Variants in TEAD2 observed in about 807,000 individuals in gnomAD.
TEAD2 encodes the protein transcriptional enhancer factor TEF-4.
In TEAD2, 51 loss-of-function variants were observed where a neutral mutation model predicts 61.4. That is an observed-to-expected ratio of 0.83 (90% confidence interval 0.66 to 1.05). The LOEUF (loss-of-function observed/expected upper bound fraction) is 1.05, where lower values mean the gene tolerates loss of function less well. Among genes scored for constraint, TEAD2 ranks in the 50% least tolerant of loss-of-function variants. TEAD2 has a pLI of 0.00. For synonymous variants in TEAD2, 244 were observed against 243.2 expected (o/e 1.00, Z -0.03); for missense variants, 509 against 600.0 (o/e 0.85, Z 1.58).
chr19:49,343,126 G>A lies in TEAD2; in HGVS notation c.1089+105C>T, dbSNP rs147382641. ...TGCATTAAACCCTCAAAGAGGCTGG[G>A]ACCCACTCCCTCCATGCATACTCCC... On this transcript the variant is annotated intron_variant, in intron 11 of 12. Coordinates refer to ENST00000593945, the MANE Select transcript of TEAD2 (RefSeq NM_001256660.2). 37 of 1,348,114 alleles carry A rather than the reference G, an allele frequency of 2.7e-5. 2 individuals are homozygous for A. In the East Asian group the frequency reaches 4.9e-4, roughly 18 times the overall value. The allele number at this position is 1,348,114 out of a possible 1,614,324, so 83.5% of individuals were successfully genotyped here. A position where few individuals can be genotyped will look rare whatever the true frequency, so the allele number is the denominator to read the frequency against.
At chr19:49,355,020 T>G in intron 7 of TEAD2, 128 bp downstream of exon 7, 1 of 664,150 alleles carries the variant, frequency 1.5e-6, no homozygotes, top group Non-Finnish European at 2.7e-6. Context: ...CATACATACA[T>G]GCATACATAC....
At position 49,348,804 on chromosome 19, in the gene TEAD2, T is replaced by G. The variant is rs760225003; in HGVS notation, c.646A>C (p.Thr216Pro). 2.6e-5 allele frequency: 41 copies of G among 1,606,832 alleles called. No individual in the cohort carries two copies. In the African/African-American group the frequency reaches 5.3e-4, roughly 21 times the overall value. The change falls in exon 9 of 13, where the codon ACC (threonine) becomes CCC (proline). Residue 216 changes from threonine (T) to proline (P), a missense_variant. Transcript: ENST00000593945. ...GCCTGCCAGGCTGGGGGCGATGGGG[T>G]AGGTGGGGGCAGGGGTGAGAGGGCT... The part of the protein sequence containing the change: ...PQALSPLPPP[T>P]PSPPAWQARG...
chr19:49,345,802 G>C (rs1181603829), intron 10 of TEAD2, among the ~76,000 whole-genome samples: 1 of 152,126 alleles, frequency 6.6e-6, no homozygotes, highest in Non-Finnish European at 1.5e-5. Flanking sequence ...GCCAAGGTGG[G>C]TGGATCACTT....
intron 7 of TEAD2, 127 bp downstream of exon 7, chr19:49,355,021 G>GCATACATACATGCATACATA (rs1972285064): frequency 4.8e-6 from 3 of 630,400 alleles, no homozygotes; most frequent in Admixed American, 2.6e-5. Flanking sequence ...ATACATACAT[G>GCATACATACATGCATACATA]CATACATACA....
Position 49,360,051 on chromosome 19 carries a change from C to G in TEAD2, c.25G>C (p.Ala9Pro), listed in dbSNP as rs768259774. The change falls in exon 2 of 13, where the codon GCC becomes CCC. Residue 9 changes from alanine (A) to proline (P), a missense_variant. Coordinates refer to ENST00000593945, the MANE Select transcript of TEAD2 (RefSeq NM_001256660.2). ...GTCCAGCCGCTGCCATCGTCCAGGGCGGCCCCAGCCCGGGGTTCCCCCATC... is the reference window on the plus strand; with the variant it reads ...GTCCAGCCGCTGCCATCGTCCAGGGGGGCCCCAGCCCGGGGTTCCCCCATC... MGEPRAGAALDDGSGWTGS... is the reference protein window; with the variant it reads MGEPRAGAPLDDGSGWTGS... 1.2e-6 allele frequency: 2 copies of G among 1,607,050 alleles called. No homozygotes were observed. The highest frequency in any genetic ancestry group is 1.7e-6 in the Non-Finnish European group (2 of 1,179,782).
At position 49,359,464 on chromosome 19, in the gene TEAD2, T is replaced by G. The variant is rs903317491; in HGVS notation, c.268A>C (p.Arg90=). The stretch of plus-strand genomic sequence containing the variant: ...TTTCGAGTTCGGGTCTTCCCCGTTC[T>G]CAGCTTGATGTAGCGGGCGATCAGT... The part of the protein sequence containing the change: ...NELIARYIKL[R]TGKTRTRKQV... The change falls in exon 3 of 13, where the codon AGA becomes CGA. Residue 90 remains arginine (R), a synonymous_variant. Transcript: ENST00000593945. The surrounding 1 kb of genome is among the most constrained non-coding windows in gnomAD (Gnocchi z 4.1). 3 of 1,614,076 alleles carry G rather than the reference T, an allele frequency of 1.9e-6. No homozygotes were observed. The Admixed American group carries it at 5.0e-5, about 27-fold the overall frequency.
At chr19:49,356,710 G>A (rs1232680322) in intron 4 of TEAD2, among the ~76,000 whole-genome samples, 2 of 152,078 alleles carry the variant, frequency 1.3e-5, no homozygotes. Flanking sequence ...AGGGAAGGGA[G>A]GGGGACAGGA....
intron 7 of TEAD2, among the ~76,000 whole-genome samples, chr19:49,352,420 G>C (rs1972082041): frequency 6.6e-6 from 1 of 152,208 alleles, no homozygotes; most frequent in Non-Finnish European, 1.5e-5. Flanking sequence ...TTAGATGTCA[G>C]AGGTCAGACC....
intron 1 of TEAD2, among the ~76,000 whole-genome samples, chr19:49,362,079 T>A (rs1157757931): frequency 2.0e-5 from 3 of 152,046 alleles, no homozygotes; most frequent in African/African-American, 7.2e-5. Flanking sequence ...CACTCCAAAG[T>A]GACACCGCCG....
chr19:49,346,165 CAAAAAAAAAAA>C (rs10684078), intron 10 of TEAD2, among the ~76,000 whole-genome samples: 3 of 44,404 alleles, frequency 6.8e-5, no homozygotes, highest in African/African-American at 1.8e-4. Flanking sequence ...AATTCCATCT[CAAAAAAAAAAA>C]AAAAAAAAAC....
intron 11 of TEAD2, 139 bp downstream of exon 11, chr19:49,343,092 C>T: frequency 9.9e-7 from 1 of 1,014,614 alleles, no homozygotes; most frequent in Non-Finnish European, 1.4e-6. Context: ...CCCATTAGCT[C>T]CCAACGCATG....
Position 49,343,304 on chromosome 19 carries a change from C to A in TEAD2, c.1016G>T (p.Ser339Ile). The A allele has an allele frequency of 6.2e-7, 1 of 1,614,090 alleles. No individual in the cohort carries two copies. The highest frequency in any genetic ancestry group is 8.5e-7 in the Non-Finnish European group (1 of 1,180,024). Residue 339 changes from serine (S) to isoleucine (I), a missense_variant, in exon 11 of 13, where the codon AGC becomes ATC. Ser to Ile is a moderately radical substitution (Grantham distance 142, BLOSUM62 -2). Coordinates refer to ENST00000593945, the MANE Select transcript of TEAD2 (RefSeq NM_001256660.2). ...GFYGVSSQYE[S>I]LEHMTLTCSS... Reference sequence around the variant, plus strand: ...ACAGGTGAGGGTCATGTGTTCCAGGCTCTCATACTGGCTGCTCACTCCGTA... The same window carrying A: ...ACAGGTGAGGGTCATGTGTTCCAGGATCTCATACTGGCTGCTCACTCCGTA...
intron 5 of TEAD2, among the ~76,000 whole-genome samples, 154 bp downstream of exon 5, chr19:49,355,805 G>A (rs1044802352): frequency 4.6e-5 from 7 of 152,056 alleles, no homozygotes; most frequent in South Asian, 4.2e-4. Flanking sequence ...CAGCTTAGGC[G>A]ACAGAGCAAG....
chr19:49,346,102 T>C (rs1555782291), intron 10 of TEAD2, among the ~76,000 whole-genome samples: 1 of 146,914 alleles, frequency 6.8e-6, no homozygotes, highest in Non-Finnish European at 1.5e-5. Context: ...GAGGCAGAGG[T>C]TGCAGTGAGC....
chr19:49,359,634 C>T lies in TEAD2; in HGVS notation c.233-135G>A, dbSNP rs1972678031. ...AGTGGGCTGCCGGTCCCCTCAGCTACGTGGAAGCCAGACTGCTTGGGTTCA... is the reference window on the plus strand; with the variant it reads ...AGTGGGCTGCCGGTCCCCTCAGCTATGTGGAAGCCAGACTGCTTGGGTTCA... On this transcript the variant is annotated intron_variant, in intron 2 of 12. Transcript: ENST00000593945. The surrounding 1 kb of genome is among the most constrained non-coding windows in gnomAD (Gnocchi z 4.1). 1 of 1,134,108 alleles carries T rather than the reference C, an allele frequency of 8.8e-7. No homozygotes were observed. Among genetic ancestry groups the T allele is most frequent in the Non-Finnish European group, 1.3e-6 (1 of 769,448 alleles). The allele number at this position is 1,134,108 out of a possible 1,614,324, so 70.3% of individuals were successfully genotyped here. A position where few individuals can be genotyped will look rare whatever the true frequency, so the allele number is the denominator to read the frequency against.
At chr19:49,349,545 A>G (rs903419490) in intron 8 of TEAD2, among the ~76,000 whole-genome samples, 2 of 151,528 alleles carry the variant, frequency 1.3e-5, no homozygotes, top group Non-Finnish European at 2.9e-5. Flanking sequence ...TGGATCCCTC[A>G]TGAATGTCTT....
intron 12 of TEAD2, 124 bp downstream of exon 12, chr19:49,342,314 G>C: frequency 7.7e-7 from 1 of 1,292,210 alleles, no homozygotes; most frequent in Non-Finnish European, 1.1e-6. Context: ...TCAGGCTGAG[G>C]GCTCACTTTG....
intron 1 of TEAD2, 65 bp from the exon 2 acceptor site, chr19:49,360,146 A>G (rs1972735492): frequency 7.4e-7 from 1 of 1,356,840 alleles, no homozygotes. Context: ...TGAAGCTGAG[A>G]GGGCTGGGAC....
intron 4 of TEAD2, 89 bp downstream of exon 4, chr19:49,357,163 T>C: frequency 7.8e-7 from 1 of 1,290,116 alleles, no homozygotes; most frequent in South Asian, 1.2e-5. Flanking sequence ...TGTCCCCCTC[T>C]CCCTGGGTCT....
Sources: gnomAD v4.1 joint callset for allele counts (sites outside exome capture counted in the v4.1 genomes callset) on GRCh38, gnomAD v4.1.1 for gene constraint, Gnocchi (gnomAD v3.1) non-coding constraint, MANE v1.5 for transcripts, NCBI Gene and HGNC (gene_info 2026-07-23, HGNC 2026-07-21) for gene names.